Variants in SP140 observed in about 807,000 individuals in gnomAD.
SP140 encodes the protein SP140 nuclear body protein, also known as nuclear body protein SP140.
SP140 carries 81 observed loss-of-function variants against 125.0 expected under a neutral mutation model. The ratio of observed to expected loss-of-function variants is 0.65; its 90% CI spans 0.54 to 0.78. The LOEUF is 0.78. SP140 is among the 30% of genes least tolerant of loss of function. The pLI is 0.00. For missense variants in SP140, 858 were observed against 1,037.0 expected (o/e 0.83, Z 2.37); for synonymous variants, 312 against 354.0 (o/e 0.88, Z 1.33).
intron 7 of SP140, 98 bp from the exon 8 acceptor site, chr2:230,247,818 G>T (rs1559248810): frequency 2.3e-6 from 3 of 1,277,336 alleles, no homozygotes; most frequent in Admixed American, 4.2e-5. Flanking sequence ...GCTTGAAAAA[G>T]TCACCTTGTT....
At chr2:230,238,005 C>T (rs2048220933) in intron 2 of SP140, among the ~76,000 whole-genome samples, 1 of 152,184 alleles carries the variant, frequency 6.6e-6, no homozygotes, top group Non-Finnish European at 1.5e-5. Context: ...TTTAAAATTA[C>T]TCTCTCCCCT....
intron 5 of SP140, 41 bp from the exon 6 acceptor site, chr2:230,244,947 T>G: frequency 4.6e-5 from 65 of 1,415,042 alleles, no homozygotes; most frequent in Middle Eastern, 2.3e-4. Flanking sequence ...AGGAGCATCC[T>G]GAGGTCTGTG....
chr2:230,238,509 AT>A, intron 3 of SP140, 128 bp downstream of exon 3: 1 of 941,436 alleles, frequency 1.1e-6, no homozygotes, highest in Non-Finnish European at 1.6e-6. Flanking sequence ...CCCAGGGGGA[AT>A]ATAATGATGA....
At chr2:230,305,821 A>C (rs1337406356) in intron 22 of SP140, among the ~76,000 whole-genome samples, 1 of 152,224 alleles carries the variant, frequency 6.6e-6, no homozygotes, top group East Asian at 1.9e-4. Context: ...GAGGCTGAAC[A>C]AAGGGCCGCC....
intron 22 of SP140, among the ~76,000 whole-genome samples, chr2:230,302,586 C>T (rs901858431): frequency 2.6e-5 from 4 of 152,196 alleles, no homozygotes; most frequent in African/African-American, 9.7e-5. Flanking sequence ...GAACATTCTA[C>T]CCAACAACTG....
intron 22 of SP140, among the ~76,000 whole-genome samples, chr2:230,309,050 G>A (rs752094718): frequency 2.0e-5 from 3 of 152,210 alleles, no homozygotes; most frequent in Non-Finnish European, 2.9e-5. Flanking sequence ...ACACGTGGAT[G>A]CAAATACCAT....
At chr2:230,202,440 C>T, upstream of SP140, 1 of 766,470 alleles carries the variant, frequency 1.3e-6, no homozygotes, top group Non-Finnish European at 2.1e-6. Flanking sequence ...CTTTGTTCCT[C>T]TTGTTATACC....
the SP140 span, among the ~76,000 whole-genome samples, chr2:230,189,403 A>G: frequency 6.6e-6 from 1 of 152,204 alleles, no homozygotes; most frequent in African/African-American, 2.4e-5. Flanking sequence ...TTCATTTCAA[A>G]TAATTTTCTA....
In SP140 at chr2:230,211,686, C is replaced by T. The variant is rs75231165; in HGVS notation, c.-322-1968C>T. 128 of 692,084 alleles carry T rather than the reference C, an allele frequency of 1.8e-4. No individual in the cohort carries two copies. In the East Asian group the frequency reaches 3.3e-3, roughly 18 times the overall value. The allele number at this position is 692,084 out of a possible 1,614,324, so 42.9% of individuals were successfully genotyped here. Reference sequence around the variant, plus strand: ...GCAACCAAGGCCTGGGAAAGGATGGCATAGAGTGGGAAAGTAAGCAACCAT... The same window carrying T: ...GCAACCAAGGCCTGGGAAAGGATGGTATAGAGTGGGAAAGTAAGCAACCAT... On this transcript the variant is annotated intron_variant, in intron 1 of 4. Coordinates refer to the SP140 transcript ENST00000456542. This position sits in a 1 kb window ranked among gnomAD's most constrained non-coding sequence, Gnocchi z 4.2.
Position 230,245,069 on chromosome 2 carries a change from C to A in SP140, c.653C>A (p.Pro218Gln). 1 of 1,609,374 alleles carries A rather than the reference C, an allele frequency of 6.2e-7. No individual in the cohort carries two copies. Among genetic ancestry groups the A allele is most frequent in the Non-Finnish European group, 8.5e-7 (1 of 1,175,906 alleles). Residue 218 changes from proline (P) to glutamine (Q), a missense_variant, in exon 6 of 27, where the codon CCA (proline) becomes CAA (glutamine). Transcript: ENST00000392045. ...GDAEDAPSLL[P>Q]GGGVSCKLAI... is the part of the protein sequence containing the mutation. ...GCTGAAGATGCACCCAGCCTACTAC[C>A]AGGTGGGGGAGGTAATTATGATTTA...
rs2058419769 is a variant in SP140 at position 230,302,882 on chromosome 2, AT to A, written c.2058+5421del. On this transcript the variant is annotated intron_variant, in intron 22 of 26. Coordinates refer to ENST00000392045, the MANE Select transcript of SP140 (RefSeq NM_007237.5). ...CTGAACGACAATAATGACACAAGCT[AT>A]CAAAACCTCTGGGATACAGGAAAAG... Among the ~76,000 whole-genome samples, 2 of 152,196 alleles carry A rather than the reference AT, an allele frequency of 1.3e-5. 1 individual carries two copies. Among genetic ancestry groups the A allele is most frequent in the Non-Finnish European group, 2.9e-5 (2 of 68,018 alleles).
At position 230,312,810 on chromosome 2, in the gene SP140, TC is replaced by T. The variant is rs2059430163; in HGVS notation, c.*128del. Reference sequence around the variant, plus strand: ...GCAGGGAGGGGCTTTTCTCTGAGCCTCCTTCATCTGCCCAAAGACAAATCCT... The same window carrying T: ...GCAGGGAGGGGCTTTTCTCTGAGCCTCTTCATCTGCCCAAAGACAAATCCT... On this transcript the variant is annotated 3_prime_UTR_variant, in exon 27 of 27. Coordinates refer to ENST00000392045, the MANE Select transcript of SP140 (RefSeq NM_007237.5). 4.6e-5 allele frequency: 31 copies of T among 673,810 alleles called. No individual in the cohort carries two copies. In the South Asian group the frequency reaches 4.8e-4, roughly 10 times the overall value. 41.7% of individuals were successfully genotyped at this position (673,810 alleles called of 1,614,324 possible).
the SP140 span, among the ~76,000 whole-genome samples, chr2:230,197,015 G>A: frequency 6.6e-6 from 1 of 152,166 alleles, no homozygotes; most frequent in African/African-American, 2.4e-5. Context: ...GTGTGCATGT[G>A]TCTTTATAGC....
At chr2:230,271,157 T>C (rs1402891195) in intron 15 of SP140, among the ~76,000 whole-genome samples, 1 of 152,126 alleles carries the variant, frequency 6.6e-6, no homozygotes, top group East Asian at 1.9e-4. Flanking sequence ...GAAAATACAT[T>C]TGTGTTGTTT....
In SP140 at chr2:230,215,706, G is replaced by A. The variant is rs558930721; in HGVS notation, c.-91+1632G>A. 6.8e-4 allele frequency among the ~76,000 whole-genome samples: 104 copies of A among 152,208 alleles called. 1 individual carries two copies. Among genetic ancestry groups the A allele is most frequent in the Admixed American group, 1.0e-3 (16 of 15,288 alleles). On this transcript the variant is annotated intron_variant, in intron 3 of 4. Coordinates refer to the SP140 transcript ENST00000456542. ...TGAACATCTACTAGGCTCGGTCAGC[G>A]AGTCTTTGGGTACACAGCACTGAAT...
At chr2:230,298,061 G>A (rs1399242090) in intron 22 of SP140, among the ~76,000 whole-genome samples, 1 of 152,172 alleles carries the variant, frequency 6.6e-6, no homozygotes, top group Non-Finnish European at 1.5e-5. Flanking sequence ...GAGCTGGTTA[G>A]GACTGAAACC....
At chr2:230,258,439 A>G (rs2051620425) in intron 12 of SP140, among the ~76,000 whole-genome samples, 1 of 152,228 alleles carries the variant, frequency 6.6e-6, no homozygotes, top group East Asian at 1.9e-4. Flanking sequence ...TATCCTATTT[A>G]TTCCCTTTTG....
chr2:230,304,075 T>G (rs1455394286), intron 22 of SP140, among the ~76,000 whole-genome samples: 2 of 152,124 alleles, frequency 1.3e-5, no homozygotes, highest in East Asian at 1.9e-4. Context: ...ACAAAATCAA[T>G]ATATACAAAT....
At chr2:230,235,663 T>C (rs1194344462) in intron 1 of SP140, among the ~76,000 whole-genome samples, 1 of 152,120 alleles carries the variant, frequency 6.6e-6, no homozygotes, top group Non-Finnish European at 1.5e-5. Flanking sequence ...CAGATAAATT[T>C]GTTAAGGCCT....
Sources: gnomAD v4.1 joint callset for allele counts (sites outside exome capture counted in the v4.1 genomes callset) on GRCh38, gnomAD v4.1.1 for gene constraint, Gnocchi (gnomAD v3.1) non-coding constraint, MANE v1.5 for transcripts, NCBI Gene and HGNC (gene_info 2026-07-23, HGNC 2026-07-21) for gene names.